Variants in TUSC3 observed in about 807,000 individuals in gnomAD.
The protein encoded by TUSC3 is tumor suppressor candidate 3.
In TUSC3, 45 loss-of-function variants were observed where a neutral mutation model predicts 44.8. That is an observed-to-expected ratio of 1.00 (90% confidence interval 0.79 to 1.29). The LOEUF is 1.29. TUSC3 is among the 50% of genes most tolerant of loss of function. TUSC3 has a pLI of 0.00. For missense variants in TUSC3, 519 were observed against 437.9 expected, an observed-to-expected ratio of 1.19 and a Z score of -1.65; for synonymous variants, 212 against 152.9, an observed-to-expected ratio of 1.39 and a Z score of -2.85.
At chr8:15,716,157 G>A (rs1326425045) in intron 6 of TUSC3, among the ~76,000 whole-genome samples, 10 of 152,146 alleles carry the variant, frequency 6.6e-5, no homozygotes, top group Non-Finnish European at 7.4e-5. Flanking sequence ...TCGGGAGGCT[G>A]AGGCAGGAGA....
intron 1 of TUSC3, among the ~76,000 whole-genome samples, chr8:15,613,473 T>C (rs1394860490): frequency 6.6e-6 from 1 of 152,152 alleles, no homozygotes; most frequent in Non-Finnish European, 1.5e-5. Flanking sequence ...CCATGCAGTT[T>C]TACAAACATC....
At chr8:15,585,399 A>T (rs925070512) in intron 1 of TUSC3, among the ~76,000 whole-genome samples, 2 of 152,214 alleles carry the variant, frequency 1.3e-5, no homozygotes, top group Non-Finnish European at 2.9e-5. Flanking sequence ...GACCTAGAGA[A>T]GTAAGAAACG....
intron 2 of TUSC3, among the ~76,000 whole-genome samples, chr8:15,515,016 A>G (rs1024173595): frequency 6.6e-6 from 1 of 152,228 alleles, no homozygotes; most frequent in Non-Finnish European, 1.5e-5. Context: ...TGGAGAATCT[A>G]TCAATACATG....
At chr8:15,582,118 CT>C (rs377683267) in intron 1 of TUSC3, among the ~76,000 whole-genome samples, 12,629 of 152,236 alleles carry the variant, frequency 0.083, 595 homozygotes, top group Middle Eastern at 0.14. Context: ...AGGGAACTCC[CT>C]GACCCCTTGC....
At chr8:15,616,121 G>C (rs1336411513) in intron 1 of TUSC3, among the ~76,000 whole-genome samples, 1 of 152,162 alleles carries the variant, frequency 6.6e-6, no homozygotes, top group South Asian at 2.1e-4. Context: ...ATTTAGTGTG[G>C]TATAGGAATA....
intron 2 of TUSC3, among the ~76,000 whole-genome samples, chr8:15,636,064 A>G (rs1806060112): frequency 6.6e-6 from 1 of 152,166 alleles, no homozygotes; most frequent in Admixed American, 6.5e-5. Context: ...ATGTGGGAAG[A>G]TTTGTCAAAG....
intron 1 of TUSC3, among the ~76,000 whole-genome samples, chr8:15,589,051 A>G (rs896651550): frequency 6.6e-6 from 1 of 152,048 alleles, no homozygotes; most frequent in East Asian, 1.9e-4. Context: ...GCAGTTTATC[A>G]TTATGCAACG....
At chr8:15,834,991 C>G in the TUSC3 span, among the ~76,000 whole-genome samples, 2 of 152,268 alleles carry the variant, frequency 1.3e-5, no homozygotes, top group Non-Finnish European at 2.9e-5. Context: ...TGTAACCAAT[C>G]CCCCAAGTAT....
At chr8:15,454,915 T>C (rs925739711) in intron 1 of TUSC3, among the ~76,000 whole-genome samples, 2 of 152,114 alleles carry the variant, frequency 1.3e-5, no homozygotes, top group Non-Finnish European at 2.9e-5. Context: ...GTTTAAAATT[T>C]TATAATACAT....
At chr8:15,485,846 G>T (rs1481800165) in intron 2 of TUSC3, among the ~76,000 whole-genome samples, 1 of 152,140 alleles carries the variant, frequency 6.6e-6, no homozygotes, top group East Asian at 1.9e-4. Context: ...AGGCTGGAGT[G>T]CAATGGTGCG....
At chr8:15,624,061 A>C (rs561668796) in intron 2 of TUSC3, among the ~76,000 whole-genome samples, 10 of 152,142 alleles carry the variant, frequency 6.6e-5, no homozygotes, top group Non-Finnish European at 1.2e-4. Flanking sequence ...AGGTAAATGG[A>C]ATTGTATGGT....
At chr8:15,715,966 A>C (rs1585260188) in intron 6 of TUSC3, among the ~76,000 whole-genome samples, 1 of 152,054 alleles carries the variant, frequency 6.6e-6, no homozygotes, top group African/African-American at 2.4e-5. Flanking sequence ...TACATATTCT[A>C]ATGGAAGGGT....
chr8:15,423,969 G>GTTTTTTTTTTTTTT (rs112397215), intron 1 of TUSC3, among the ~76,000 whole-genome samples: 2 of 70,394 alleles, frequency 2.8e-5, no homozygotes, highest in African/African-American at 4.1e-5. Flanking sequence ...GTTTTGCTTT[G>GTTTTTTTTTTTTTT]TTTTTTTTTT....
chr8:15,523,660 ATATATG>A (rs1303452042), intron 2 of TUSC3, among the ~76,000 whole-genome samples: 125 of 16,284 alleles, frequency 7.7e-3, no homozygotes, highest in East Asian at 0.044. Context: ...ATATATATAT[ATATATG>A]TGTGTGTGTG....
chr8:15,759,466 A>C lies in TUSC3; in HGVS notation c.*46+1611A>C, dbSNP rs553178872. Among the ~76,000 whole-genome samples the C allele has an allele frequency of 4.6e-5, 7 of 152,168 alleles. No homozygotes were observed. The East Asian group carries it at 1.4e-3, about 30-fold the overall frequency. ...TTTTCCAAATATGAGAAACAGATGG[A>C]GTCATTAATTCAAGATAAATAAAAA... On this transcript the variant is annotated intron_variant, in intron 10 of 10. Transcript: ENST00000503731.
At chr8:15,533,313 T>C (rs1801475983) in intron 2 of TUSC3, among the ~76,000 whole-genome samples, 1 of 152,220 alleles carries the variant, frequency 6.6e-6, no homozygotes, top group Admixed American at 6.5e-5. Flanking sequence ...AGAGGAATAG[T>C]CACTTATGCT....
chr8:15,705,652 G>A (rs1809585661), intron 6 of TUSC3, among the ~76,000 whole-genome samples: 1 of 151,982 alleles, frequency 6.6e-6, no homozygotes, highest in African/African-American at 2.4e-5. Flanking sequence ...GGCCCTATGT[G>A]ATAGAGTGGA....
chr8:15,618,653 T>C (rs1316401430), intron 1 of TUSC3, among the ~76,000 whole-genome samples: 1 of 152,270 alleles, frequency 6.6e-6, no homozygotes, highest in East Asian at 1.9e-4. Context: ...AGAAAACAAA[T>C]AAGCAGAAGG....
chr8:15,595,796 A>T (rs1804043590), intron 1 of TUSC3, among the ~76,000 whole-genome samples: 1 of 152,180 alleles, frequency 6.6e-6, no homozygotes, highest in South Asian at 2.1e-4. Context: ...GTAAAATTCT[A>T]CTATGTGTGT....
Sources: allele counts gnomAD v4.1 joint callset (sites outside exome capture counted in the v4.1 genomes callset), GRCh38; gene constraint gnomAD v4.1.1; transcripts MANE v1.5; gene names NCBI Gene and HGNC (gene_info 2026-07-23, HGNC 2026-07-21).